Variants in RAD51B observed in about 807,000 individuals in gnomAD.
RAD51B encodes the protein DNA repair protein RAD51 homolog 2.
Under a neutral mutation model 42.2 loss-of-function variants are expected in RAD51B, and 38 were observed. That is an observed-to-expected ratio of 0.90 (90% confidence interval 0.70 to 1.18). The LOEUF (loss-of-function observed/expected upper bound fraction) is 1.18. Ranked by LOEUF, RAD51B falls within the 50% of genes most tolerant of loss-of-function variation. The pLI is 0.00. For missense variants in RAD51B, 373 were observed against 400.7 expected, an observed-to-expected ratio of 0.93 and a Z score of 0.59; for synonymous variants, 154 against 145.2, an observed-to-expected ratio of 1.06 and a Z score of -0.43.
chr14:67,938,584 G>A (rs2045042813), intron 7 of RAD51B, among the ~76,000 whole-genome samples: 1 of 152,190 alleles, frequency 6.6e-6, no homozygotes, highest in East Asian at 1.9e-4. Flanking sequence ...ATGTTAAGGT[G>A]GTTGTGAAAC....
chr14:68,030,284 A>G (rs1299409155), intron 7 of RAD51B, among the ~76,000 whole-genome samples: 1 of 152,230 alleles, frequency 6.6e-6, no homozygotes, highest in Non-Finnish European at 1.5e-5. Context: ...AAAATCTGAG[A>G]TGGCATCTTC....
chr14:68,548,003 A>G (rs1339381503), intron 10 of RAD51B, among the ~76,000 whole-genome samples: 1 of 152,080 alleles, frequency 6.6e-6, no homozygotes, highest in Non-Finnish European at 1.5e-5. Context: ...ACATATACAC[A>G]AGGAAACTCC....
intron 9 of RAD51B, among the ~76,000 whole-genome samples, chr14:68,433,504 C>T (rs1420961007): frequency 6.6e-6 from 1 of 152,172 alleles, no homozygotes; most frequent in Non-Finnish European, 1.5e-5. Context: ...ATTTGATCTT[C>T]AATCGCTGAT....
At chr14:68,205,111 T>G (rs930748092) in intron 7 of RAD51B, among the ~76,000 whole-genome samples, 6 of 152,202 alleles carry the variant, frequency 3.9e-5, no homozygotes, top group African/African-American at 1.4e-4. Flanking sequence ...TGCTTGTTGG[T>G]GTTTTCAACT....
intron 11 of RAD51B, among the ~76,000 whole-genome samples, chr14:68,656,762 C>G (rs1892824860): frequency 1.3e-5 from 2 of 152,320 alleles, no homozygotes; most frequent in Middle Eastern, 6.8e-3. Context: ...TTCACAGACA[C>G]AGCAAGGAAG....
intron 7 of RAD51B, among the ~76,000 whole-genome samples, chr14:67,920,809 A>C (rs2044299696): frequency 1.3e-5 from 2 of 152,192 alleles, no homozygotes; most frequent in Non-Finnish European, 2.9e-5. Context: ...AAAAATTGAC[A>C]TATAAACAAG....
intron 7 of RAD51B, among the ~76,000 whole-genome samples, chr14:68,112,022 G>T (rs1389825402): frequency 6.6e-6 from 1 of 152,070 alleles, no homozygotes; most frequent in African/African-American, 2.4e-5. Context: ...CAAGAGGCTA[G>T]CTCATAATAG....
chr14:68,292,415 T>A (rs1361681196), intron 8 of RAD51B, among the ~76,000 whole-genome samples: 1 of 152,100 alleles, frequency 6.6e-6, no homozygotes, highest in African/African-American at 2.4e-5. Context: ...TACAGAAGAT[T>A]AAGAAAAAAA....
chr14:67,948,862 G>A (rs1389349411), intron 7 of RAD51B, among the ~76,000 whole-genome samples: 1 of 148,736 alleles, frequency 6.7e-6, no homozygotes, highest in Non-Finnish European at 1.5e-5. Flanking sequence ...AACCTGGGAG[G>A]CGGAGCTTGC....
At chr14:68,334,934 C>T (rs2082417692) in intron 8 of RAD51B, among the ~76,000 whole-genome samples, 1 of 132,576 alleles carries the variant, frequency 7.5e-6, no homozygotes, top group African/African-American at 2.8e-5. Flanking sequence ...TATACACACA[C>T]ATATATAAGT....
At chr14:68,184,602 C>G (rs1426926423) in intron 7 of RAD51B, among the ~76,000 whole-genome samples, 1 of 109,496 alleles carries the variant, frequency 9.1e-6, no homozygotes, top group Non-Finnish European at 1.8e-5. Context: ...AGAGCAAGGC[C>G]CTGTCTAAAA....
At chr14:67,920,692 A>G (rs1811701885) in intron 7 of RAD51B, among the ~76,000 whole-genome samples, 1 of 152,210 alleles carries the variant, frequency 6.6e-6, no homozygotes, top group African/African-American at 2.4e-5. Flanking sequence ...GTCAACAAAC[A>G]TTGATGGCAT....
intron 7 of RAD51B, among the ~76,000 whole-genome samples, chr14:67,922,884 G>C (rs1336017762): frequency 6.6e-6 from 1 of 152,048 alleles, no homozygotes; most frequent in Non-Finnish European, 1.5e-5. Flanking sequence ...TAGAGACGAG[G>C]TTTCGCCATG....
intron 10 of RAD51B, among the ~76,000 whole-genome samples, chr14:68,649,796 C>A (rs992362893): frequency 3.3e-5 from 5 of 152,188 alleles, no homozygotes; most frequent in African/African-American, 1.2e-4. Context: ...ACACCTTCCG[C>A]AAAGAGACCA....
chr14:68,210,114 C>A (rs548142187), intron 7 of RAD51B, among the ~76,000 whole-genome samples: 1 of 152,248 alleles, frequency 6.6e-6, no homozygotes, highest in Non-Finnish European at 1.5e-5. Flanking sequence ...CGTACGCCAC[C>A]ATGCCCAGCT....
At chr14:68,660,710 G>A (rs910847455) in intron 11 of RAD51B, among the ~76,000 whole-genome samples, 2 of 152,176 alleles carry the variant, frequency 1.3e-5, no homozygotes, top group African/African-American at 2.4e-5. Context: ...TTGGTTATGC[G>A]GCACAGAATG....
intron 10 of RAD51B, among the ~76,000 whole-genome samples, chr14:68,474,068 C>G (rs1011952515): frequency 9.2e-5 from 14 of 152,170 alleles, no homozygotes; most frequent in African/African-American, 3.4e-4. Flanking sequence ...CTTAGATATC[C>G]ACATCCATTC....
chr14:68,673,473 A>ATGTACACACATGCACATAC (rs1364538389), intron 11 of RAD51B, among the ~76,000 whole-genome samples: 1 of 152,082 alleles, frequency 6.6e-6, no homozygotes, highest in Non-Finnish European at 1.5e-5. Context: ...ACATATATAC[A>ATGTACACACATGCACATAC]TGTACACACA....
At chr14:67,945,246 C>T (rs992189058) in intron 7 of RAD51B, among the ~76,000 whole-genome samples, 14 of 152,166 alleles carry the variant, frequency 9.2e-5, no homozygotes, top group Admixed American at 2.6e-4. Context: ...TGTGTACAGC[C>T]TAAGACCATG....
Sources: allele counts gnomAD v4.1 joint callset (sites outside exome capture counted in the v4.1 genomes callset), GRCh38; gene constraint gnomAD v4.1.1; transcripts MANE v1.5; gene names NCBI Gene and HGNC (gene_info 2026-07-23, HGNC 2026-07-21).